The following SH2D1B variants were observed in gnomAD, a reference collection of about 807,000 sequenced individuals.
SH2D1B encodes SH2 domain-containing protein 1B.
SH2D1B carries 11 observed loss-of-function variants against 16.3 expected under a neutral mutation model. That is an observed-to-expected ratio of 0.67 (90% confidence interval 0.42 to 1.11). SH2D1B has a LOEUF of 1.11. Among genes scored for constraint, SH2D1B ranks in the 50% most tolerant of loss-of-function variants. SH2D1B has a pLI of 0.00. For missense variants in SH2D1B, 123 were observed against 153.1 expected (o/e 0.80, Z 1.04); for synonymous variants, 55 against 56.1 (o/e 0.98, Z 0.09).
chr1:162,411,800 G>A (rs1354022662), intron 1 of SH2D1B, 83 bp downstream of exon 1: 2 of 1,565,294 alleles, frequency 1.3e-6, no homozygotes, highest in East Asian at 2.2e-5. Context: ...GAAATACTGA[G>A]GGATATGAAT....
intron 1 of SH2D1B, among the ~76,000 whole-genome samples, chr1:162,410,820 C>A (rs1456972592): frequency 1.3e-5 from 2 of 150,996 alleles, no homozygotes; most frequent in East Asian, 2.0e-4. Flanking sequence ...CCACACCTGG[C>A]TAATTTTGTA....
intron 1 of SH2D1B, among the ~76,000 whole-genome samples, chr1:162,403,404 G>A (rs754046120): frequency 7.0e-6 from 1 of 143,612 alleles, no homozygotes; most frequent in African/African-American, 2.6e-5. Context: ...CACGAGAATC[G>A]CTTGAACCCA....
intron 2 of SH2D1B, among the ~76,000 whole-genome samples, chr1:162,401,755 T>G (rs942974115): frequency 3.9e-5 from 6 of 152,156 alleles, no homozygotes; most frequent in Non-Finnish European, 8.8e-5. Context: ...AAGTGAGGTG[T>G]TTGGGGATCA....
At chr1:162,398,011 G>T (rs570768803) in intron 3 of SH2D1B, among the ~76,000 whole-genome samples, 33 of 152,258 alleles carry the variant, frequency 2.2e-4, no homozygotes, top group African/African-American at 7.5e-4. Context: ...CATGGGGATG[G>T]GGGGACAGGG....
rs146104118 is a variant in SH2D1B at position 162,410,024 on chromosome 1, A to G, written c.134+1859T>C. 1.7e-3 allele frequency among the ~76,000 whole-genome samples: 259 copies of G among 152,306 alleles called. 6 individuals are homozygous for G. Among genetic ancestry groups the G allele is most frequent in the African/African-American group, 6.0e-3 (251 of 41,558 alleles). ...TGTCTATAATCAGACTTCTGAGCCT[A>G]TTCCAAGGCCCATTTGTGTACTTCC... On this transcript the variant is annotated intron_variant, in intron 1 of 3. Coordinates refer to ENST00000367929, the MANE Select transcript of SH2D1B (RefSeq NM_053282.5).
At chr1:162,397,440 A>T (rs1376879605) in intron 3 of SH2D1B, 125 bp from the exon 4 acceptor site, 4 of 978,140 alleles carry the variant, frequency 4.1e-6, no homozygotes, top group Non-Finnish European at 4.7e-6. Context: ...TGCCACCTGA[A>T]AGTTGTATCT....
intron 2 of SH2D1B, among the ~76,000 whole-genome samples, chr1:162,401,214 C>T (rs1252608865): frequency 3.3e-5 from 5 of 152,202 alleles, no homozygotes. Context: ...CAGTGAAACG[C>T]CTCTTTGTGT....
chr1:162,407,419 T>G (rs964052910), intron 1 of SH2D1B, among the ~76,000 whole-genome samples: 2 of 152,142 alleles, frequency 1.3e-5, no homozygotes. Flanking sequence ...CTGGGGACAT[T>G]GGTAAGAGAG....
intron 1 of SH2D1B, among the ~76,000 whole-genome samples, chr1:162,410,588 C>T (rs116813754): frequency 0.013 from 1,946 of 151,918 alleles, 15 homozygotes; most frequent in Non-Finnish European, 0.021. Flanking sequence ...GCTTTCTAAA[C>T]TGGGCATAAA....
At chr1:162,410,650 CTTTTTCTTTTTTTTTTT>C (rs1169778669) in intron 1 of SH2D1B, among the ~76,000 whole-genome samples, 1 of 138,962 alleles carries the variant, frequency 7.2e-6, no homozygotes, top group African/African-American at 2.7e-5. Context: ...ATTTGTTTTT[CTTTTTCTTTTTTTTTTT>C]TTTTTTGAGA....
intron 1 of SH2D1B, among the ~76,000 whole-genome samples, chr1:162,410,510 T>G (rs541462975): frequency 1.3e-5 from 2 of 152,338 alleles, no homozygotes; most frequent in East Asian, 3.9e-4. Flanking sequence ...AAAGGTTCAG[T>G]GGTCCCTACT....
rs1258603785 is a variant in SH2D1B, at chr1:162,400,391, A to G, written c.199-1304T>C. 2.1e-5 allele frequency among the ~76,000 whole-genome samples: 3 copies of G among 143,268 alleles called. 1 individual carries two copies. Among genetic ancestry groups the G allele is most frequent in the Non-Finnish European group, 1.5e-5 (1 of 67,088 alleles). The allele number at this position is 143,268 out of a possible 152,430, so 94.0% of individuals were successfully genotyped here. Reference sequence around the variant, plus strand: ...ACTGCAAGTTCCGCCTCCCGGGTTCATGCCATTCTCCTGCCTCAGCCTCCC... The same window carrying G: ...ACTGCAAGTTCCGCCTCCCGGGTTCGTGCCATTCTCCTGCCTCAGCCTCCC... On this transcript the variant is annotated intron_variant, in intron 2 of 3. Coordinates refer to ENST00000367929, the MANE Select transcript of SH2D1B (RefSeq NM_053282.5).
intron 1 of SH2D1B, among the ~76,000 whole-genome samples, chr1:162,403,506 AAAAAAATATATATATAT>A (rs1453267082): frequency 1.2e-4 from 3 of 24,434 alleles, no homozygotes; most frequent in African/African-American, 2.5e-4. Context: ...AAAAAAAAAA[AAAAAAATATATATATAT>A]ATATATATAT....
At chr1:162,403,700 T>G (rs1313767828) in intron 1 of SH2D1B, among the ~76,000 whole-genome samples, 1 of 58,276 alleles carries the variant, frequency 1.7e-5, no homozygotes, top group South Asian at 5.2e-4. Flanking sequence ...ATGAAGAAAG[T>G]TACACACACA....
At chr1:162,402,568 C>T in intron 2 of SH2D1B, 171 bp downstream of exon 2, 1 of 574,354 alleles carries the variant, frequency 1.7e-6, no homozygotes, top group Non-Finnish European at 3.1e-6. Flanking sequence ...TAGAACCTTC[C>T]TATTTCTCTT....
At position 162,395,813 on chromosome 1, in the gene SH2D1B, C is replaced by T. The variant is rs1648360892; in HGVS notation, c.*1467G>A. 1 of 152,108 alleles carries T rather than the reference C, an allele frequency of 6.6e-6. No individual in the cohort carries two copies. Among genetic ancestry groups the T allele is most frequent in the African/African-American group, 2.4e-5 (1 of 41,424 alleles). 9.4% of individuals were successfully genotyped at this position (152,108 alleles called of 1,614,324 possible). A position where few individuals can be genotyped will look rare whatever the true frequency, so the allele number is the denominator to read the frequency against. On this transcript the variant is annotated 3_prime_UTR_variant, in exon 4 of 4. Transcript: ENST00000367929. ...ACTTCAGTTGGGAAAATTTATGACT[C>T]CATGAAAGGGCAAAAAAGATGACCC...
At chr1:162,398,116 GAC>G (rs1432682272) in intron 3 of SH2D1B, among the ~76,000 whole-genome samples, 1 of 152,184 alleles carries the variant, frequency 6.6e-6, no homozygotes, top group Non-Finnish European at 1.5e-5. Context: ...CTTTGCCGCA[GAC>G]AGAGTAGAAT....
rs933459526 is a variant in SH2D1B at position 162,397,789 on chromosome 1, G to T, written c.364-474C>A. On this transcript the variant is annotated intron_variant, in intron 3 of 3. Coordinates refer to ENST00000367929, the MANE Select transcript of SH2D1B (RefSeq NM_053282.5). ...GATTTATGATTCTTTTCTCATTGTT[G>T]AGACAAATGCTACCACCACCCCAAC... 2.0e-5 allele frequency among the ~76,000 whole-genome samples: 3 copies of T among 152,186 alleles called. No homozygotes were observed. In the East Asian group the frequency reaches 5.8e-4, roughly 29 times the overall value.
At chr1:162,401,754 G>A (rs888685232) in intron 2 of SH2D1B, among the ~76,000 whole-genome samples, 1 of 152,128 alleles carries the variant, frequency 6.6e-6, no homozygotes, top group Admixed American at 6.5e-5. Context: ...TAAGTGAGGT[G>A]TTTGGGGATC....
Sources: gnomAD v4.1 joint callset for allele counts (sites outside exome capture counted in the v4.1 genomes callset) on GRCh38, gnomAD v4.1.1 for gene constraint, MANE v1.5 for transcripts, NCBI Gene and HGNC (gene_info 2026-07-23, HGNC 2026-07-21) for gene names.